The following GATB variants were observed in gnomAD, a reference collection of about 807,000 sequenced individuals.
The protein encoded by GATB is glutamyl-tRNA(Gln) amidotransferase subunit B, mitochondrial.
GATB carries 39 observed loss-of-function variants against 62.3 expected under a neutral mutation model. That is an observed-to-expected ratio of 0.63 (90% confidence interval 0.48 to 0.82). The LOEUF (loss-of-function observed/expected upper bound fraction) is 0.82. GATB is among the 40% of genes least tolerant of loss of function. GATB has a pLI of 0.00. For synonymous variants in GATB, 276 were observed against 258.9 expected, an observed-to-expected ratio of 1.07 and a Z score of -0.63; for missense variants, 670 against 684.0, an observed-to-expected ratio of 0.98 and a Z score of 0.23.
chr4:151,679,640 T>C (rs1302410408), intron 11 of GATB, among the ~76,000 whole-genome samples, 173 bp downstream of exon 11: 3 of 152,206 alleles, frequency 2.0e-5, no homozygotes, highest in Non-Finnish European at 4.4e-5. Context: ...ATTGCACATA[T>C]TGGCTTCATA....
At position 151,697,951 on chromosome 4, in the gene GATB, GTGTATA is replaced by G. The variant is rs1287290764; in HGVS notation, c.1197+3372_1197+3377del. Among the ~76,000 whole-genome samples the G allele has an allele frequency of 1.2e-3, 35 of 28,630 alleles. 1 individual carries two copies. The highest frequency in any genetic ancestry group is 7.0e-3 in the African/African-American group (33 of 4,734). The allele number at this position is 28,630 out of a possible 152,430, so 18.8% of individuals were successfully genotyped here. On this transcript the variant is annotated intron_variant, in intron 9 of 12. Coordinates refer to ENST00000263985, the MANE Select transcript of GATB (RefSeq NM_004564.3). ...ATTTCATATATATGTGTGTGTGTGTGTGTATATATATATATATATATATATATATAT... is the reference window on the plus strand; with the variant it reads ...ATTTCATATATATGTGTGTGTGTGTGTATATATATATATATATATATATAT...
intron 5 of GATB, among the ~76,000 whole-genome samples, chr4:151,711,649 G>A (rs1407094238): frequency 6.6e-6 from 1 of 152,162 alleles, no homozygotes; most frequent in Non-Finnish European, 1.5e-5. Context: ...CTGTAGCATG[G>A]CACCCCATTT....
intron 3 of GATB, among the ~76,000 whole-genome samples, chr4:151,719,067 A>T (rs1197751785): frequency 6.6e-6 from 1 of 152,254 alleles, no homozygotes; most frequent in South Asian, 2.1e-4. Context: ...GAACTACAGT[A>T]TGCATTTACT....
At chr4:151,728,597 T>C (rs147765859) in intron 2 of GATB, among the ~76,000 whole-genome samples, 1 of 152,300 alleles carries the variant, frequency 6.6e-6, no homozygotes, top group East Asian at 1.9e-4. Context: ...ATACTGAAAC[T>C]GTCAAGTCTT....
At chr4:151,711,162 C>A (rs1015477847) in intron 5 of GATB, among the ~76,000 whole-genome samples, 4 of 152,184 alleles carry the variant, frequency 2.6e-5, no homozygotes, top group Non-Finnish European at 5.9e-5. Context: ...CCAGTGCTGT[C>A]CAAAACAGCA....
chr4:151,689,372 C>G (rs374185118), intron 9 of GATB, among the ~76,000 whole-genome samples: 2 of 152,096 alleles, frequency 1.3e-5, no homozygotes, highest in Non-Finnish European at 2.9e-5. Flanking sequence ...CCACTTAGGC[C>G]ACTTAATAAC....
intron 10 of GATB, among the ~76,000 whole-genome samples, chr4:151,680,171 A>G (rs9994720): frequency 0.023 from 3,427 of 152,238 alleles, 122 homozygotes; most frequent in African/African-American, 0.077. Context: ...CAGTGTAATT[A>G]GTCAAGAAAA....
Position 151,670,822 on chromosome 4 carries a change from C to A in GATB, c.*352G>T, listed in dbSNP as rs558031810. On this transcript the variant is annotated 3_prime_UTR_variant, in exon 13 of 13. Transcript: ENST00000263985. ...TCAAAAATATTTGTTGAAGGAACTG[C>A]AGAATGAAAAGTTTTCTTAGAATGG... 3.2e-5 allele frequency: 6 copies of A among 189,598 alleles called. No homozygotes were observed. Among genetic ancestry groups the A allele is most frequent in the Admixed American group, 5.6e-5 (1 of 17,950 alleles). The allele number at this position is 189,598 out of a possible 1,614,324, so 11.7% of individuals were successfully genotyped here. A position where few individuals can be genotyped will look rare whatever the true frequency, so the allele number is the denominator to read the frequency against.
Position 151,714,883 on chromosome 4 carries a change from T to C in GATB, c.763+1126A>G, listed in dbSNP as rs1057150867. Among the ~76,000 whole-genome samples, 5 of 152,354 alleles carry C rather than the reference T, an allele frequency of 3.3e-5. No homozygotes were observed. The East Asian group carries it at 5.8e-4, about 18-fold the overall frequency. On this transcript the variant is annotated intron_variant, in intron 5 of 12. Transcript: ENST00000263985. ...AGTGTTGTCTCTGTAAAGAAACTTG[T>C]AGGCAGCTAACCTTTATGCCACTCA...
chr4:151,730,379 G>A lies in GATB; in HGVS notation c.328-10841C>T, dbSNP rs1739219403. Among the ~76,000 whole-genome samples, 1 of 152,224 alleles carries A rather than the reference G, an allele frequency of 6.6e-6. No individual in the cohort carries two copies. The highest frequency in any genetic ancestry group is 2.1e-4 in the South Asian group (1 of 4,832). On this transcript the variant is annotated intron_variant, in intron 2 of 12. Coordinates refer to ENST00000263985, the MANE Select transcript of GATB (RefSeq NM_004564.3). The surrounding 1 kb of genome is among the most constrained non-coding windows in gnomAD (Gnocchi z 4.1). Reference sequence around the variant, plus strand: ...AGACGAAGGACATACAATCTTGGGAGTTCTAGGGCCCCGCCCACCACTGGT... The same window carrying A: ...AGACGAAGGACATACAATCTTGGGAATTCTAGGGCCCCGCCCACCACTGGT...
intron 5 of GATB, 93 bp downstream of exon 5, chr4:151,715,916 A>G: frequency 1.4e-6 from 2 of 1,410,540 alleles, no homozygotes; most frequent in Non-Finnish European, 1.9e-6. Context: ...AAACAACCTC[A>G]ATATAATAGA....
At chr4:151,708,854 A>C (rs1360017246) in intron 5 of GATB, among the ~76,000 whole-genome samples, 1 of 152,182 alleles carries the variant, frequency 6.6e-6, no homozygotes, top group Non-Finnish European at 1.5e-5. Context: ...ACAAGCCCTA[A>C]AGAAGCAGGC....
At chr4:151,685,709 C>T (rs959521582) in intron 10 of GATB, among the ~76,000 whole-genome samples, 6 of 152,212 alleles carry the variant, frequency 3.9e-5, no homozygotes, top group African/African-American at 1.4e-4. Flanking sequence ...ATTTTCAGCA[C>T]CAACACCAGA....
intron 9 of GATB, among the ~76,000 whole-genome samples, chr4:151,700,972 A>C (rs1738589934): frequency 6.6e-6 from 1 of 152,216 alleles, no homozygotes; most frequent in African/African-American, 2.4e-5. Flanking sequence ...GACATCCAGA[A>C]ACCCTATACA....
At position 151,760,900 on chromosome 4, in the gene GATB, C is replaced by G. The variant is rs1578947920; in HGVS notation, c.83G>C (p.Arg28Thr). The G allele has an allele frequency of 6.2e-7, 1 of 1,614,086 alleles. No homozygotes were observed. Among genetic ancestry groups the G allele is most frequent in the East Asian group, 2.2e-5 (1 of 44,880 alleles). The change falls in exon 1 of 13, where the codon AGA becomes ACA. Residue 28 changes from arginine to threonine, a missense_variant. Transcript: ENST00000263985. ...ARVDGGSCHR[R>T]GAPTGSTSNQ... ...GGATGTGGACCCAGTCGGAGCCCCT[C>G]TTCGGTGGCAAGAACCACCGTCAAC... is the stretch of plus-strand genomic sequence containing the variant.
intron 10 of GATB, among the ~76,000 whole-genome samples, chr4:151,688,200 G>A (rs1011006024): frequency 1.7e-4 from 26 of 152,108 alleles, no homozygotes; most frequent in African/African-American, 6.3e-4. Context: ...ATGCTTCAGG[G>A]CATGGCTCAA....
chr4:151,741,140 T>C (rs571095346), intron 2 of GATB, among the ~76,000 whole-genome samples: 41 of 152,262 alleles, frequency 2.7e-4, no homozygotes, highest in African/African-American at 9.1e-4. Flanking sequence ...TTTTTTCCTA[T>C]CCATAGGTAT....
intron 2 of GATB, among the ~76,000 whole-genome samples, chr4:151,725,019 CAT>C (rs1739110500): frequency 1.3e-5 from 2 of 152,176 alleles, no homozygotes; most frequent in Admixed American, 1.3e-4. Context: ...CTTTATTACA[CAT>C]GAGAGAAGAG....
In GATB at chr4:151,670,694, T is replaced by C. The variant is rs1737835158; in HGVS notation, c.*480A>G. On this transcript the variant is annotated 3_prime_UTR_variant, in exon 13 of 13. Transcript: ENST00000263985. Reference sequence around the variant, plus strand: ...AGTTTATTTGGTTGTATTTTCATCTTTGTTAACCTGTGTTTAGGTCTGAAA... The same window carrying C: ...AGTTTATTTGGTTGTATTTTCATCTCTGTTAACCTGTGTTTAGGTCTGAAA... 1 of 153,624 alleles carries C rather than the reference T, an allele frequency of 6.5e-6. No individual in the cohort carries two copies. Among genetic ancestry groups the C allele is most frequent in the African/African-American group, 2.4e-5 (1 of 41,482 alleles). 9.5% of individuals were successfully genotyped at this position (153,624 alleles called of 1,614,324 possible). A position where few individuals can be genotyped will look rare whatever the true frequency, so the allele number is the denominator to read the frequency against.
Sources: gnomAD v4.1 joint callset for allele counts (sites outside exome capture counted in the v4.1 genomes callset) on GRCh38, gnomAD v4.1.1 for gene constraint, Gnocchi (gnomAD v3.1) non-coding constraint, MANE v1.5 for transcripts, NCBI Gene and HGNC (gene_info 2026-07-23, HGNC 2026-07-21) for gene names.